Variants in AGBL4 observed in about 807,000 individuals in gnomAD.
AGBL4 encodes AGBL carboxypeptidase 4.
Under a neutral mutation model 66.4 loss-of-function variants are expected in AGBL4, and 58 were observed. The ratio of observed to expected loss-of-function variants is 0.87; its 90% CI spans 0.71 to 1.09. The LOEUF is 1.09. Among genes scored for constraint, AGBL4 ranks in the 50% least tolerant of loss-of-function variants. The pLI, the probability that AGBL4 is intolerant of heterozygous loss-of-function variation, is 0.00. For synonymous variants in AGBL4, 234 were observed against 222.9 expected (o/e 1.05, Z -0.44); for missense variants, 579 against 631.0 (o/e 0.92, Z 0.88).
At chr1:48,762,375 T>G (rs1024419995) in intron 6 of AGBL4, among the ~76,000 whole-genome samples, 5 of 152,208 alleles carry the variant, frequency 3.3e-5, no homozygotes, top group African/African-American at 1.2e-4. Flanking sequence ...CTGGATATGT[T>G]CAAAAATAAA....
intron 3 of AGBL4, among the ~76,000 whole-genome samples, chr1:49,391,655 G>A (rs1348416609): frequency 1.3e-5 from 2 of 150,680 alleles, no homozygotes; most frequent in Non-Finnish European, 2.9e-5. Flanking sequence ...TCCGCCTCCC[G>A]GGTTCACACC....
chr1:48,707,324 A>T (rs1436821704), intron 6 of AGBL4, among the ~76,000 whole-genome samples: 2 of 152,140 alleles, frequency 1.3e-5, no homozygotes, highest in Admixed American at 6.5e-5. Context: ...CAACAAAAAC[A>T]GAAAAGAAAA....
intron 11 of AGBL4, among the ~76,000 whole-genome samples, chr1:48,555,098 A>T (rs1644301879): frequency 6.6e-6 from 1 of 152,108 alleles, no homozygotes; most frequent in Non-Finnish European, 1.5e-5. Context: ...AAGGGAAGTC[A>T]GGGTGCAAAA....
intron 2 of AGBL4, among the ~76,000 whole-genome samples, chr1:49,719,556 T>C (rs756912717): frequency 2.8e-4 from 42 of 152,202 alleles, no homozygotes; most frequent in South Asian, 1.9e-3. Flanking sequence ...ATAAATTTAG[T>C]CACCTTGCGT....
chr1:49,051,612 C>G (rs552898859), intron 4 of AGBL4, among the ~76,000 whole-genome samples: 2 of 152,168 alleles, frequency 1.3e-5, no homozygotes, highest in Non-Finnish European at 1.5e-5. Context: ...AGGCTATCAC[C>G]TAGCTTGAGC....
chr1:49,458,765 A>C (rs1646445002), intron 3 of AGBL4, among the ~76,000 whole-genome samples: 1 of 151,712 alleles, frequency 6.6e-6, no homozygotes, highest in Non-Finnish European at 1.5e-5. Flanking sequence ...GGATTTAATC[A>C]TAAAGGGATG....
chr1:48,687,004 T>C (rs1483569349), intron 6 of AGBL4, among the ~76,000 whole-genome samples: 1 of 147,370 alleles, frequency 6.8e-6, no homozygotes, highest in East Asian at 2.0e-4. Flanking sequence ...TACCAGGTAA[T>C]ACTTGCAGGC....
At chr1:49,626,366 T>C (rs1645462916) in intron 3 of AGBL4, among the ~76,000 whole-genome samples, 1 of 152,152 alleles carries the variant, frequency 6.6e-6, no homozygotes, top group African/African-American at 2.4e-5. Context: ...GGTCCCCTCA[T>C]GAAATGCTTT....
intron 3 of AGBL4, among the ~76,000 whole-genome samples, chr1:49,352,328 T>A (rs1490286926): frequency 6.6e-6 from 1 of 152,020 alleles, no homozygotes; most frequent in Non-Finnish European, 1.5e-5. Flanking sequence ...GAATAAAGTA[T>A]TCTCTTTCTT....
intron 3 of AGBL4, among the ~76,000 whole-genome samples, chr1:49,425,251 C>T (rs1000515830): frequency 6.6e-6 from 1 of 152,004 alleles, no homozygotes; most frequent in Non-Finnish European, 1.5e-5. Context: ...ACTTTAAAAA[C>T]TATCAATAAT....
intron 1 of AGBL4, among the ~76,000 whole-genome samples, chr1:49,937,770 T>C (rs1038688827): frequency 1.3e-5 from 2 of 151,888 alleles, no homozygotes; most frequent in East Asian, 3.9e-4. Context: ...AAGGCAGAAA[T>C]AAAGATGTTC....
intron 4 of AGBL4, among the ~76,000 whole-genome samples, chr1:49,181,962 C>A (rs976096020): frequency 6.6e-6 from 1 of 152,126 alleles, no homozygotes; most frequent in Non-Finnish European, 1.5e-5. Flanking sequence ...TTTAGGAATT[C>A]AAATCACAGT....
At chr1:49,632,578 A>C (rs906800625) in intron 3 of AGBL4, among the ~76,000 whole-genome samples, 6 of 152,140 alleles carry the variant, frequency 3.9e-5, no homozygotes, top group African/African-American at 1.4e-4. Flanking sequence ...TGCCCACAGA[A>C]TCACTCAGAC....
At chr1:49,572,066 C>G (rs1284364158) in intron 3 of AGBL4, among the ~76,000 whole-genome samples, 2 of 152,034 alleles carry the variant, frequency 1.3e-5, no homozygotes, top group African/African-American at 4.8e-5. Flanking sequence ...GTTTTGGTAG[C>G]AGGGTGACAC....
chr1:49,384,290 A>T (rs989382550), intron 3 of AGBL4, among the ~76,000 whole-genome samples: 5 of 152,064 alleles, frequency 3.3e-5, no homozygotes, highest in African/African-American at 1.2e-4. Context: ...GACAATTGTG[A>T]AAAGAAGATA....
chr1:48,566,580 T>A (rs1242381586), intron 11 of AGBL4, among the ~76,000 whole-genome samples: 2 of 152,240 alleles, frequency 1.3e-5, no homozygotes, highest in Non-Finnish European at 2.9e-5. Flanking sequence ...AAATAAGTTG[T>A]CAAACATTAT....
intron 6 of AGBL4, among the ~76,000 whole-genome samples, chr1:48,770,599 T>A (rs1401453370): frequency 6.6e-6 from 1 of 152,250 alleles, no homozygotes; most frequent in Admixed American, 6.5e-5. Flanking sequence ...TGACTTGGAA[T>A]GCTCTTCTGA....
intron 5 of AGBL4, among the ~76,000 whole-genome samples, chr1:48,987,952 A>G (rs938451524): frequency 1.3e-5 from 2 of 152,056 alleles, no homozygotes; most frequent in African/African-American, 2.4e-5. Flanking sequence ...TCTTCCTAGA[A>G]TGCTCTTATT....
At chr1:49,107,719 GA>G (rs1645324728) in intron 4 of AGBL4, among the ~76,000 whole-genome samples, 2 of 151,062 alleles carry the variant, frequency 1.3e-5, no homozygotes, top group Admixed American at 1.3e-4. Context: ...GAGAGAGAGA[GA>G]GAGAGAGAGA....
Sources: allele counts gnomAD v4.1 joint callset (sites outside exome capture counted in the v4.1 genomes callset), GRCh38; gene constraint gnomAD v4.1.1; transcripts MANE v1.5; gene names NCBI Gene and HGNC (gene_info 2026-07-23, HGNC 2026-07-21).